The following MTSS2 variants were observed in gnomAD, a reference collection of about 807,000 sequenced individuals.
The protein encoded by MTSS2 is protein MTSS 2.
Under a neutral mutation model 67.1 loss-of-function variants are expected in MTSS2, and 27 were observed. That is an observed-to-expected ratio of 0.40 (90% CI 0.30 to 0.55). MTSS2 has a LOEUF of 0.55. MTSS2 is among the 20% of genes least tolerant of loss of function. The pLI, the probability that MTSS2 is intolerant of heterozygous loss-of-function variation, is 0.43. For missense variants in MTSS2, 1,171 were observed against 1,067.8 expected, an observed-to-expected ratio of 1.10 and a Z score of -1.35; for synonymous variants, 624 against 468.6, an observed-to-expected ratio of 1.33 and a Z score of -4.28.
At chr16:70,666,451 A>C (rs1021016980) in intron 11 of MTSS2, among the ~76,000 whole-genome samples, 10 of 152,218 alleles carry the variant, frequency 6.6e-5, no homozygotes, top group Non-Finnish European at 1.2e-4. Flanking sequence ...AATCCTGAGC[A>C]TGTGTGACCG....
At chr16:70,670,206 G>T (rs563552076) in intron 11 of MTSS2, among the ~76,000 whole-genome samples, 4 of 152,312 alleles carry the variant, frequency 2.6e-5, no homozygotes, top group African/African-American at 9.6e-5. Context: ...CAAGGATGGA[G>T]GTTGCAGTGA....
intron 11 of MTSS2, among the ~76,000 whole-genome samples, chr16:70,671,229 C>T (rs991129020): frequency 1.3e-4 from 19 of 151,590 alleles, no homozygotes; most frequent in Admixed American, 1.2e-3. Flanking sequence ...ATGGCAAAAC[C>T]CCGCCTCTGC....
chr16:70,669,590 C>T (rs1014858369), intron 11 of MTSS2, among the ~76,000 whole-genome samples: 18 of 151,902 alleles, frequency 1.2e-4, no homozygotes, highest in South Asian at 6.3e-4. Flanking sequence ...CCAAGGCGGG[C>T]GGATTACCTG....
Position 70,662,587 on chromosome 16 carries a change from T to G in MTSS2, c.*1090A>C, listed in dbSNP as rs983907535. On this transcript the variant is annotated 3_prime_UTR_variant, in exon 15 of 15. Transcript: ENST00000338779. Reference sequence around the variant, plus strand: ...CTTATTTTGGCTACGCTCGAGACACTGGAGAGAACAGTAGCTTCCACCGGG... The same window carrying G: ...CTTATTTTGGCTACGCTCGAGACACGGGAGAGAACAGTAGCTTCCACCGGG... 6 of 152,406 alleles carry G rather than the reference T, an allele frequency of 3.9e-5. No individual in the cohort carries two copies. Among genetic ancestry groups the G allele is most frequent in the African/African-American group, 1.5e-4 (6 of 41,378 alleles). 9.4% of individuals were successfully genotyped at this position (152,406 alleles called of 1,614,324 possible). A position where few individuals can be genotyped will look rare whatever the true frequency, so the allele number is the denominator to read the frequency against.
At chr16:70,665,571 G>A in intron 11 of MTSS2, 31 bp from the exon 12 acceptor site, 1 of 1,535,356 alleles carries the variant, frequency 6.5e-7, no homozygotes, top group Non-Finnish European at 8.8e-7. Context: ...GGCGGTTGCA[G>A]ACAGAGGGGC....
At chr16:70,681,294 G>A (rs2142915984) in intron 1 of MTSS2, among the ~76,000 whole-genome samples, 1 of 152,338 alleles carries the variant, frequency 6.6e-6, no homozygotes, top group African/African-American at 2.4e-5. Context: ...AGGCTACAGG[G>A]GGCTCACATC....
chr16:70,677,715 CT>C lies in MTSS2; in HGVS notation c.732+76del, dbSNP rs373566254. 7.3e-4 allele frequency: 866 copies of C among 1,179,756 alleles called. 12 individuals carry two copies. In the South Asian group the frequency reaches 0.011, roughly 15 times the overall value. The allele number at this position is 1,179,756 out of a possible 1,614,324, so 73.1% of individuals were successfully genotyped here. A position where few individuals can be genotyped will look rare whatever the true frequency, so the allele number is the denominator to read the frequency against. On this transcript the variant is annotated intron_variant, in intron 9 of 14. Coordinates refer to ENST00000338779, the MANE Select transcript of MTSS2 (RefSeq NM_138383.3). Reference sequence around the variant, plus strand: ...CCCCCAAATGCCATCCTCTTTTCCCCTTTACTGTTCCCAACCTAGGGCAGCC... The same window carrying C: ...CCCCCAAATGCCATCCTCTTTTCCCCTTACTGTTCCCAACCTAGGGCAGCC...
chr16:70,663,935 G>T lies in MTSS2; in HGVS notation c.1986C>A (p.Asp662Glu), dbSNP rs757136499. 2 of 1,555,172 alleles carry T rather than the reference G, an allele frequency of 1.3e-6. No homozygotes were observed. Among genetic ancestry groups the T allele is most frequent in the Non-Finnish European group, 1.7e-6 (2 of 1,152,358 alleles). ...GGTTGGCCGCCAGCTGCTGCTGCTC[G>T]TCCTCGGCCCCTGCCCCGGGGTACC... ...AAGYPGAGAE[D>E]EQQQLAANRH... Residue 662 changes from aspartate (D) to glutamate (E), a missense_variant, in exon 15 of 15, where the codon GAC (aspartate) becomes GAA (glutamate). Asp to Glu is a conservative substitution (Grantham distance 45, BLOSUM62 2). Around this residue, in one of 2 missense-constraint regions of MTSS2, gnomAD observed 924 missense variants for 756.0 expected, o/e 1.22. Transcript: ENST00000338779.
rs570244146 is a variant in MTSS2 at position 70,661,744 on chromosome 16, C to T, written c.*1933G>A. 25 of 209,154 alleles carry T rather than the reference C, an allele frequency of 1.2e-4. No homozygotes were observed. In the East Asian group the frequency reaches 2.8e-3, roughly 24 times the overall value. 13.0% of individuals were successfully genotyped at this position (209,154 alleles called of 1,614,324 possible). ...CGGAGTCGGTGGGGGCTGTGCCACA[C>T]GAGCCCCCCTCTCTGGGTAGCCCCT... On this transcript the variant is annotated 3_prime_UTR_variant, in exon 15 of 15. Coordinates refer to ENST00000338779, the MANE Select transcript of MTSS2 (RefSeq NM_138383.3).
At chr16:70,678,127 G>A (rs1275899819) in intron 8 of MTSS2, 125 bp downstream of exon 8, 2 of 1,279,386 alleles carry the variant, frequency 1.6e-6, no homozygotes, top group African/African-American at 1.5e-5. Context: ...CTGCCTTTGG[G>A]CCAGGAGCAT....
intron 7 of MTSS2, 71 bp downstream of exon 7, chr16:70,679,244 C>T: frequency 6.3e-7 from 1 of 1,586,882 alleles, no homozygotes; most frequent in East Asian, 2.2e-5. Context: ...TCCAATGGCC[C>T]TGAGCTGGGG....
At chr16:70,679,247 A>G (rs1315819939) in intron 7 of MTSS2, 68 bp downstream of exon 7, 1 of 1,589,650 alleles carries the variant, frequency 6.3e-7, no homozygotes, top group Non-Finnish European at 8.6e-7. Context: ...AATGGCCCTG[A>G]GCTGGGGGAG....
rs541609044 is a variant in MTSS2, at chr16:70,664,096, G to A, written c.1825C>T (p.Arg609Trp). The A allele has an allele frequency of 2.1e-5, 34 of 1,611,886 alleles. No individual in the cohort carries two copies. Among genetic ancestry groups the A allele is most frequent in the Middle Eastern group, 1.6e-4 (1 of 6,062 alleles). The change falls in exon 15 of 15, where the codon CGG becomes TGG. Residue 609 changes from arginine to tryptophan, a missense_variant. Transcript: ENST00000338779. ...AAGACGCACTCCTCACTGCCCGCCCGTGTGGGCCCCATGTAGCCGGGGGAG... is the reference window on the plus strand; with the variant it reads ...AAGACGCACTCCTCACTGCCCGCCCATGTGGGCCCCATGTAGCCGGGGGAG... ...PDSPGYMGPT[R>W]AGSEECVFYT...
chr16:70,663,464 A>T lies in MTSS2; in HGVS notation c.*213T>A. ...ATAAAACAGACCCCGAACCAGGCCC[A>T]GGCCTGCAGGCTCCGTCCTGGCCAG... On this transcript the variant is annotated 3_prime_UTR_variant, in exon 15 of 15. Coordinates refer to ENST00000338779, the MANE Select transcript of MTSS2 (RefSeq NM_138383.3). The T allele has an allele frequency of 1.1e-6, 1 of 880,916 alleles. No individual in the cohort carries two copies. The highest frequency in any genetic ancestry group is 1.6e-6 in the Non-Finnish European group (1 of 609,432). 54.6% of individuals were successfully genotyped at this position (880,916 alleles called of 1,614,324 possible). A position where few individuals can be genotyped will look rare whatever the true frequency, so the allele number is the denominator to read the frequency against.
chr16:70,673,528 T>C (rs1407180412), intron 11 of MTSS2, among the ~76,000 whole-genome samples: 3 of 152,206 alleles, frequency 2.0e-5, no homozygotes, highest in Non-Finnish European at 4.4e-5. Flanking sequence ...ACTGAGAGTT[T>C]ACAACTACAG....
chr16:70,682,959 T>A (rs977943384), intron 1 of MTSS2, among the ~76,000 whole-genome samples: 1 of 152,172 alleles, frequency 6.6e-6, no homozygotes, highest in African/African-American at 2.4e-5. Context: ...GCACGCCAGG[T>A]AGAGGGACTC....
chr16:70,676,871 C>T lies in MTSS2; in HGVS notation c.830+10G>A, dbSNP rs1333036898. The T allele has an allele frequency of 1.2e-6, 2 of 1,611,636 alleles. No individual in the cohort carries two copies. The highest frequency in any genetic ancestry group is 1.3e-5 in the African/African-American group (1 of 74,862). ...CCCCCCACACCCCTGGGAACCCCAC[C>T]CCCACTGACCTGCACATGCTGGACT... On this transcript the variant is annotated intron_variant, in intron 10 of 14. Coordinates refer to ENST00000338779, the MANE Select transcript of MTSS2 (RefSeq NM_138383.3).
chr16:70,680,897 C>A, intron 2 of MTSS2, 30 bp from the exon 3 acceptor site: 1 of 615,668 alleles, frequency 1.6e-6, no homozygotes, highest in South Asian at 1.7e-5. Context: ...CATGGATGGT[C>A]GGTGGTTGGG....
At chr16:70,669,773 T>C (rs899096345) in intron 11 of MTSS2, among the ~76,000 whole-genome samples, 1 of 144,876 alleles carries the variant, frequency 6.9e-6, no homozygotes, top group Non-Finnish European at 1.5e-5. Context: ...GCTGAGATCA[T>C]GCCACTGCAC....
Sources: allele counts gnomAD v4.1 joint callset (sites outside exome capture counted in the v4.1 genomes callset), GRCh38; gene constraint gnomAD v4.1.1; regional missense constraint gnomAD v4.1.1; transcripts MANE v1.5; gene names NCBI Gene and HGNC (gene_info 2026-07-23, HGNC 2026-07-21).